The following TMEM88 variants were observed in gnomAD, a reference collection of about 807,000 sequenced individuals.
The protein encoded by TMEM88 is transmembrane protein 88.
In TMEM88, 8 loss-of-function variants were observed where a neutral mutation model predicts 10.0. The observed-to-expected ratio is 0.80, with a 90% confidence interval of 0.47 to 1.44. The LOEUF is 1.44. TMEM88 is among the 40% of genes most tolerant of loss of function. TMEM88 has a pLI of 0.00. For missense variants in TMEM88, 255 were observed against 217.8 expected, an observed-to-expected ratio of 1.17 and a Z score of -1.07; for synonymous variants, 139 against 104.9, an observed-to-expected ratio of 1.33 and a Z score of -1.99.
chr17:7,855,156 G>A lies in TMEM88; in HGVS notation c.82G>A (p.Ala28Thr). The change falls in exon 1 of 2, where the codon GCT becomes ACT. Residue 28 changes from alanine (A) to threonine (T), a missense_variant. By Grantham distance (58) the Ala-to-Thr change is moderately conservative. Coordinates refer to ENST00000301599, the MANE Select transcript of TMEM88 (RefSeq NM_203411.2). ...GGACCCCCTGGACTGTTGGGCCTGC[G>A]CTGTTCTTGTAACAGCCCAGAATCT... ...PRDPLDCWAC[A>T]VLVTAQNLLV... 6.2e-7 allele frequency: 1 copy of A among 1,611,638 alleles called. No homozygotes were observed. The highest frequency in any genetic ancestry group is 8.5e-7 in the Non-Finnish European group (1 of 1,179,520).
Position 7,855,494 on chromosome 17 carries a change from G to A in TMEM88, c.260G>A (p.Gly87Asp). ...PPCTAHLRDP[G>D]FTALLVTGFL... The stretch of plus-strand genomic sequence containing the variant: ...TGCACCGCGCACCTGCGGGACCCCG[G>A]TTTCACGGCCCTACTGGTCACCGGA... Residue 87 changes from glycine to aspartate, a missense_variant, in exon 2 of 2, where the codon GGT becomes GAT. Coordinates refer to ENST00000301599, the MANE Select transcript of TMEM88 (RefSeq NM_203411.2). The A allele has an allele frequency of 6.2e-7, 1 of 1,608,308 alleles. No homozygotes were observed. The highest frequency in any genetic ancestry group is 8.5e-7 in the Non-Finnish European group (1 of 1,179,930).
Position 7,855,207 on chromosome 17 carries a change from CTGCTGG to C in TMEM88, c.144_149del (p.Val49_Leu50del), listed in dbSNP as rs780051854. 6.2e-7 allele frequency: 1 copy of C among 1,609,098 alleles called. No homozygotes were observed. Among genetic ancestry groups the C allele is most frequent in the East Asian group, 2.2e-5 (1 of 44,700 alleles). On this transcript the variant is annotated inframe_deletion, in exon 1 of 2. Transcript: ENST00000301599. ...GCTGGTGGCTGCCTTCAATCTTCTCCTGCTGGTGCTGGTGCTAGGGACCATCTTGCT... is the reference window on the plus strand; with the variant it reads ...GCTGGTGGCTGCCTTCAATCTTCTCCTGCTGGTGCTAGGGACCATCTTGCT...
chr17:7,856,014 G>A lies in TMEM88; in HGVS notation c.*300G>A, dbSNP rs116856259. 1 of 1,257,282 alleles carries A rather than the reference G, an allele frequency of 8.0e-7. No homozygotes were observed. The allele number at this position is 1,257,282 out of a possible 1,614,324, so 77.9% of individuals were successfully genotyped here. ...CAATCTCGTGCCCTCGTTTTATGGT[G>A]CAGCTTCTCTAGTATTTCTGGGGCT... is the stretch of plus-strand genomic sequence containing the variant. On this transcript the variant is annotated 3_prime_UTR_variant, in exon 2 of 2. Coordinates refer to ENST00000301599, the MANE Select transcript of TMEM88 (RefSeq NM_203411.2).
rs913829218 is a variant in TMEM88 at position 7,855,957 on chromosome 17, C to T, written c.*243C>T. 7.6e-7 allele frequency: 1 copy of T among 1,313,214 alleles called. No homozygotes were observed. The highest frequency in any genetic ancestry group is 9.7e-7 in the Non-Finnish European group (1 of 1,032,728). 81.3% of individuals were successfully genotyped at this position (1,313,214 alleles called of 1,614,324 possible). ...GAACATCTAGGCTGGAACCTGCACA[C>T]CTCCCCCTCAGCTCCGTCGTGAATG... On this transcript the variant is annotated 3_prime_UTR_variant, in exon 2 of 2. Coordinates refer to ENST00000301599, the MANE Select transcript of TMEM88 (RefSeq NM_203411.2).
At position 7,855,441 on chromosome 17, in the gene TMEM88, A is replaced by G. The variant is rs549268352; in HGVS notation, c.211-4A>G. ...GCTTGGGCCTGACGCCTCTTCTCCC[A>G]CAGTTCCTGCGCTCCCAGGCACCCC... On this transcript the variant is annotated splice_region_variant and splice_polypyrimidine_tract_variant and intron_variant, in intron 1 of 1. Coordinates refer to ENST00000301599, the MANE Select transcript of TMEM88 (RefSeq NM_203411.2). 1 of 1,602,352 alleles carries G rather than the reference A, an allele frequency of 6.2e-7. No individual in the cohort carries two copies. Among genetic ancestry groups the G allele is most frequent in the African/African-American group, 1.3e-5 (1 of 74,948 alleles).
At chr17:7,855,319 G>C in intron 1 of TMEM88, 35 bp downstream of exon 1, 1 of 1,589,532 alleles carries the variant, frequency 6.3e-7, no homozygotes, top group South Asian at 1.1e-5. Context: ...GTGTGAGTGT[G>C]AGTGTTGGTG....
intron 1 of TMEM88, 67 bp downstream of exon 1, chr17:7,855,351 G>A: frequency 6.3e-7 from 1 of 1,589,948 alleles, no homozygotes; most frequent in South Asian, 1.1e-5. Context: ...TGGCGGTGGG[G>A]TCTATGGGCC....
chr17:7,855,540 G>A lies in TMEM88; in HGVS notation c.306G>A (p.Leu102=). 1 of 1,608,508 alleles carries A rather than the reference G, an allele frequency of 6.2e-7. No homozygotes were observed. The highest frequency in any genetic ancestry group is 8.5e-7 in the Non-Finnish European group (1 of 1,179,898). The change falls in exon 2 of 2, where the codon CTG becomes CTA. Residue 102 remains leucine (L), a synonymous_variant. Coordinates refer to ENST00000301599, the MANE Select transcript of TMEM88 (RefSeq NM_203411.2). ...CCGGATTCCTGCTCCTCGTGCCGCTGCTCGTGCTTGCTCTGGCCAGCTACC... is the reference window on the plus strand; with the variant it reads ...CCGGATTCCTGCTCCTCGTGCCGCTACTCGTGCTTGCTCTGGCCAGCTACC... ...LVTGFLLLVP[L]LVLALASYRR...
rs770494733 is a variant in TMEM88, at chr17:7,855,069, C to T, written c.-6C>T. 6.3e-7 allele frequency: 1 copy of T among 1,597,234 alleles called. No homozygotes were observed. Among genetic ancestry groups the T allele is most frequent in the Non-Finnish European group, 8.5e-7 (1 of 1,178,366 alleles). On this transcript the variant is annotated 5_prime_UTR_variant, in exon 1 of 2. Coordinates refer to ENST00000301599, the MANE Select transcript of TMEM88 (RefSeq NM_203411.2). ...GCGGCCCAGGCGGGCGGGATCCAGG[C>T]GGGCCATGGCGGATGTCCCCGGGGC...
rs1002218829 is a variant in TMEM88, at chr17:7,855,989, C to A, written c.*275C>A. Reference sequence around the variant, plus strand: ...CTCAGCTCCGTCGTGAATGGGACAACAATCTCGTGCCCTCGTTTTATGGTG... The same window carrying A: ...CTCAGCTCCGTCGTGAATGGGACAAAAATCTCGTGCCCTCGTTTTATGGTG... On this transcript the variant is annotated 3_prime_UTR_variant, in exon 2 of 2. Coordinates refer to ENST00000301599, the MANE Select transcript of TMEM88 (RefSeq NM_203411.2). 1 of 1,271,872 alleles carries A rather than the reference C, an allele frequency of 7.9e-7. No individual in the cohort carries two copies. The highest frequency in any genetic ancestry group is 1.5e-5 in the African/African-American group (1 of 65,012). The allele number at this position is 1,271,872 out of a possible 1,614,324, so 78.8% of individuals were successfully genotyped here. A position where few individuals can be genotyped will look rare whatever the true frequency, so the allele number is the denominator to read the frequency against.
Position 7,855,516 on chromosome 17 carries a change from C to T in TMEM88, c.282C>T (p.Thr94=), listed in dbSNP as rs867564646. 6 of 1,608,802 alleles carry T rather than the reference C, an allele frequency of 3.7e-6. No homozygotes were observed. Among genetic ancestry groups the T allele is most frequent in the South Asian group, 1.1e-5 (1 of 91,078 alleles). Reference sequence around the variant, plus strand: ...CCGGTTTCACGGCCCTACTGGTCACCGGATTCCTGCTCCTCGTGCCGCTGC... The same window carrying T: ...CCGGTTTCACGGCCCTACTGGTCACTGGATTCCTGCTCCTCGTGCCGCTGC... ...RDPGFTALLV[T]GFLLLVPLLV... is the part of the protein sequence containing the mutation. The change falls in exon 2 of 2, where the codon ACC becomes ACT. Residue 94 remains threonine, a synonymous_variant. Transcript: ENST00000301599.
chr17:7,855,628 C>T lies in TMEM88; in HGVS notation c.394C>T (p.Arg132Trp), dbSNP rs1318367994. 1.2e-6 allele frequency: 2 copies of T among 1,608,650 alleles called. No individual in the cohort carries two copies. The highest frequency in any genetic ancestry group is 2.2e-5 in the East Asian group (1 of 44,860). The change falls in exon 2 of 2, where the codon CGG becomes TGG. Residue 132 changes from arginine (R) to tryptophan (W), a missense_variant. By Grantham distance (101) the Arg-to-Trp change is moderately radical. Transcript: ENST00000301599. ...CGTGCCCTACAGCCGAGCCCTTTAT[C>T]GGCGTCGGCGCGCCCCGCAGCCGCG... ...CLVPYSRALY[R>W]RRRAPQPRQI...
rs2078800419 is a variant in TMEM88 at position 7,855,720 on chromosome 17, C to T, written c.*6C>T. 6.5e-7 allele frequency: 1 copy of T among 1,539,242 alleles called. No individual in the cohort carries two copies. The highest frequency in any genetic ancestry group is 1.2e-5 in the South Asian group (1 of 83,522). On this transcript the variant is annotated 3_prime_UTR_variant, in exon 2 of 2. Coordinates refer to ENST00000301599, the MANE Select transcript of TMEM88 (RefSeq NM_203411.2). ...CAGGAAAGGTCTGGGTCTAATGACCCTCGAGTCAAGAACAACCCTGACGGC... is the reference window on the plus strand; with the variant it reads ...CAGGAAAGGTCTGGGTCTAATGACCTTCGAGTCAAGAACAACCCTGACGGC...
In TMEM88 at chr17:7,856,009, A is replaced by C; in HGVS notation, c.*295A>C. 1 of 1,147,660 alleles carries C rather than the reference A, an allele frequency of 8.7e-7. No homozygotes were observed. Among genetic ancestry groups the C allele is most frequent in the Non-Finnish European group, 1.1e-6 (1 of 893,150 alleles). The allele number at this position is 1,147,660 out of a possible 1,614,324, so 71.1% of individuals were successfully genotyped here. On this transcript the variant is annotated 3_prime_UTR_variant, in exon 2 of 2. Transcript: ENST00000301599. ...GACAACAATCTCGTGCCCTCGTTTT[A>C]TGGTGCAGCTTCTCTAGTATTTCTG...
At position 7,855,760 on chromosome 17, in the gene TMEM88, T is replaced by C; in HGVS notation, c.*46T>C. On this transcript the variant is annotated 3_prime_UTR_variant, in exon 2 of 2. Coordinates refer to ENST00000301599, the MANE Select transcript of TMEM88 (RefSeq NM_203411.2). ...ACCCTGACGGCTGCCCTCCCTCTTA[T>C]TCGGCCCAAGGACTTGAAGCCCGGC... The C allele has an allele frequency of 6.8e-7, 1 of 1,467,286 alleles. No homozygotes were observed. The allele number at this position is 1,467,286 out of a possible 1,614,324, so 90.9% of individuals were successfully genotyped here. A position where few individuals can be genotyped will look rare whatever the true frequency, so the allele number is the denominator to read the frequency against.
In TMEM88 at chr17:7,855,712, T is replaced by G; in HGVS notation, c.478T>G (p.Ter160GluextTer1). 1.3e-6 allele frequency: 2 copies of G among 1,557,418 alleles called. No homozygotes were observed. The highest frequency in any genetic ancestry group is 1.7e-6 in the Non-Finnish European group (2 of 1,149,768). ...AVPTSGKVWV[*>E] Reference sequence around the variant, plus strand: ...TCCCACATCAGGAAAGGTCTGGGTCTAATGACCCTCGAGTCAAGAACAACC... The same window carrying G: ...TCCCACATCAGGAAAGGTCTGGGTCGAATGACCCTCGAGTCAAGAACAACC... Residue 160 changes from the stop codon to glutamate, a stop_lost, in exon 2 of 2, where the codon TAA becomes GAA. Coordinates refer to ENST00000301599, the MANE Select transcript of TMEM88 (RefSeq NM_203411.2).
chr17:7,855,927 A>T lies in TMEM88; in HGVS notation c.*213A>T, dbSNP rs144306051. ...CTTTCCTTTCACGACCCACATCTCAATCCTGAACATCTAGGCTGGAACCTG... is the reference window on the plus strand; with the variant it reads ...CTTTCCTTTCACGACCCACATCTCATTCCTGAACATCTAGGCTGGAACCTG... On this transcript the variant is annotated 3_prime_UTR_variant, in exon 2 of 2. Coordinates refer to ENST00000301599, the MANE Select transcript of TMEM88 (RefSeq NM_203411.2). 13,771 of 1,364,872 alleles carry T rather than the reference A, an allele frequency of 0.01. 622 individuals carry two copies. The South Asian group carries it at 0.14, about 14-fold the overall frequency. The allele number at this position is 1,364,872 out of a possible 1,614,324, so 84.5% of individuals were successfully genotyped here. A position where few individuals can be genotyped will look rare whatever the true frequency, so the allele number is the denominator to read the frequency against.
Position 7,856,058 on chromosome 17 carries a change from GGAA to G in TMEM88, c.*346_*348del. The G allele has an allele frequency of 9.6e-7, 1 of 1,036,772 alleles. No homozygotes were observed. Among genetic ancestry groups the G allele is most frequent in the African/African-American group, 1.7e-5 (1 of 60,302 alleles). The allele number at this position is 1,036,772 out of a possible 1,614,324, so 64.2% of individuals were successfully genotyped here. Reference sequence around the variant, plus strand: ...TGGGGCTGGGGGGCGGGGCTGGAGGGGAAGGAGTGTCCACGCATCAATAAAGAT... The same window carrying G: ...TGGGGCTGGGGGGCGGGGCTGGAGGGGGAGTGTCCACGCATCAATAAAGAT... On this transcript the variant is annotated 3_prime_UTR_variant, in exon 2 of 2. Coordinates refer to ENST00000301599, the MANE Select transcript of TMEM88 (RefSeq NM_203411.2).
chr17:7,855,318 T>C, intron 1 of TMEM88, 34 bp downstream of exon 1: 5 of 1,589,134 alleles, frequency 3.1e-6, no homozygotes, highest in South Asian at 1.1e-5. Flanking sequence ...CGTGTGAGTG[T>C]GAGTGTTGGT....
Sources: allele counts gnomAD v4.1 joint callset, GRCh38; gene constraint gnomAD v4.1.1; transcripts MANE v1.5; gene names NCBI Gene and HGNC (gene_info 2026-07-23, HGNC 2026-07-21).